The following FHL2 variants were observed in gnomAD, a reference collection of about 807,000 sequenced individuals.
FHL2 encodes four and a half LIM domains 2, also known as four and a half LIM domains protein 2.
A neutral mutation model predicts 32.7 loss-of-function variants in FHL2; 20 were observed. The observed-to-expected ratio is 0.61, with a 90% CI of 0.43 to 0.89. The LOEUF (loss-of-function observed/expected upper bound fraction) is 0.89. FHL2 is among the 40% of genes least tolerant of loss of function. The probability of loss-of-function intolerance (pLI) is 0.00; values close to 1 mark genes in which losing one functional copy is unlikely to be tolerated. For missense variants in FHL2, 311 were observed against 358.6 expected (o/e 0.87, Z 1.07); for synonymous variants, 123 against 128.1 (o/e 0.96, Z 0.27).
intron 3 of FHL2, among the ~76,000 whole-genome samples, chr2:105,384,624 C>T (rs866127558): frequency 1.3e-5 from 2 of 152,198 alleles, no homozygotes; most frequent in Non-Finnish European, 2.9e-5. Context: ...TCTCGTGCCT[C>T]AGCCTCTCAA....
At chr2:105,375,120 C>G (rs1376718770) in intron 3 of FHL2, 1 of 149,114 alleles carries the variant, frequency 6.7e-6, no homozygotes, top group African/African-American at 2.5e-5. Context: ...AAACAGTTCT[C>G]TTTTGCTGAA....
chr2:105,399,077 G>C (rs1683353120), upstream of FHL2: 5 of 1,488,360 alleles, frequency 3.4e-6, no homozygotes, highest in East Asian at 1.5e-4. Flanking sequence ...TCCCGCCCTC[G>C]AGAAACCCCG....
chr2:105,418,173 T>A (rs1464001295), intron 1 of FHL2, among the ~76,000 whole-genome samples: 1 of 152,102 alleles, frequency 6.6e-6, no homozygotes, highest in East Asian at 1.9e-4. Context: ...ATAGCTAGTG[T>A]TTCATATCTG....
intron 3 of FHL2, among the ~76,000 whole-genome samples, chr2:105,379,238 T>C (rs1252390023): frequency 6.6e-6 from 1 of 152,216 alleles, no homozygotes; most frequent in Admixed American, 6.5e-5. Flanking sequence ...GTAACAAGCA[T>C]GTATAACAGT....
intron 1 of FHL2, among the ~76,000 whole-genome samples, chr2:105,430,206 G>A (rs966341184): frequency 2.0e-5 from 3 of 152,174 alleles, no homozygotes; most frequent in East Asian, 1.9e-4. Context: ...CTTAGCAAAC[G>A]ACACCCCAAA....
chr2:105,358,657 T>G (rs1465468485), downstream of FHL2: 3 of 152,222 alleles, frequency 2.0e-5, no homozygotes, highest in Non-Finnish European at 4.4e-5. Flanking sequence ...TGTATGCTTC[T>G]GGGGAAATTT....
At chr2:105,418,217 G>T (rs1217627332) in intron 1 of FHL2, among the ~76,000 whole-genome samples, 2 of 152,124 alleles carry the variant, frequency 1.3e-5, no homozygotes, top group African/African-American at 4.8e-5. Flanking sequence ...GGCCACCCAA[G>T]GCTGCCAAGG....
chr2:105,399,438 G>A (rs1279930268), upstream of FHL2: 1 of 1,536,188 alleles, frequency 6.5e-7, no homozygotes, highest in Non-Finnish European at 8.7e-7. Flanking sequence ...GAGGGAGGAG[G>A]GGGTCACTTC....
chr2:105,412,359 A>C (rs1683818602), intron 1 of FHL2, among the ~76,000 whole-genome samples: 1 of 152,240 alleles, frequency 6.6e-6, no homozygotes, highest in African/African-American at 2.4e-5. Context: ...GGTAGCTTGG[A>C]TAACCAAAAG....
chr2:105,359,279 A>G (rs1352410578), downstream of FHL2: 1 of 152,236 alleles, frequency 6.6e-6, no homozygotes, highest in African/African-American at 2.4e-5. Flanking sequence ...ATGTTCCAAA[A>G]TGAAATTTGG....
downstream of FHL2, chr2:105,359,555 A>G (rs1002869031): frequency 6.6e-6 from 1 of 152,226 alleles, no homozygotes; most frequent in Non-Finnish European, 1.5e-5. Flanking sequence ...AAAACTAAGG[A>G]CAAAAAGGTC....
chr2:105,402,495 T>G (rs1274999370), upstream of FHL2, among the ~76,000 whole-genome samples: 1 of 152,092 alleles, frequency 6.6e-6, no homozygotes. Flanking sequence ...ATCCACCCAC[T>G]TGGCCTCCCA....
intron 1 of FHL2, among the ~76,000 whole-genome samples, chr2:105,406,140 A>C (rs1439734731): frequency 6.6e-6 from 1 of 152,254 alleles, no homozygotes; most frequent in African/African-American, 2.4e-5. Flanking sequence ...ACAACCAAGC[A>C]TCTTTCTCCA....
At chr2:105,421,003 A>C (rs2104668462) in intron 1 of FHL2, among the ~76,000 whole-genome samples, 1 of 152,334 alleles carries the variant, frequency 6.6e-6, no homozygotes, top group East Asian at 1.9e-4. Context: ...ACGGGGCTCC[A>C]TCCACACCAT....
intron 1 of FHL2, among the ~76,000 whole-genome samples, chr2:105,434,228 T>G (rs1684520803): frequency 6.6e-6 from 1 of 152,244 alleles, no homozygotes; most frequent in African/African-American, 2.4e-5. Flanking sequence ...GCAACAGGGT[T>G]GCTCTTTTGC....
At chr2:105,394,854 A>T (rs919640214) in intron 2 of FHL2, among the ~76,000 whole-genome samples, 4 of 152,228 alleles carry the variant, frequency 2.6e-5, no homozygotes, top group Non-Finnish European at 4.4e-5. Flanking sequence ...ATAAATAAAC[A>T]TCTTCATCTC....
intron 3 of FHL2, among the ~76,000 whole-genome samples, chr2:105,379,614 C>T (rs377577564): frequency 1.1e-4 from 16 of 152,280 alleles, no homozygotes; most frequent in African/African-American, 3.6e-4. Flanking sequence ...TGAAATGATC[C>T]GACAAAACTA....
chr2:105,434,770 A>G (rs530788914), intron 1 of FHL2, among the ~76,000 whole-genome samples: 1 of 152,266 alleles, frequency 6.6e-6, no homozygotes, highest in African/African-American at 2.4e-5. Context: ...ATGATCTTTC[A>G]ATAAATTTCA....
intron 2 of FHL2, among the ~76,000 whole-genome samples, chr2:105,394,709 A>G (rs965273674): frequency 9.2e-5 from 14 of 152,260 alleles, no homozygotes; most frequent in Non-Finnish European, 2.1e-4. Context: ...TTTGTAAGGT[A>G]TAAAATTGAC....
Sources: gnomAD v4.1 joint callset for allele counts (sites outside exome capture counted in the v4.1 genomes callset) on GRCh38, gnomAD v4.1.1 for gene constraint, MANE v1.5 for transcripts, NCBI Gene and HGNC (gene_info 2026-07-23, HGNC 2026-07-21) for gene names.